Variants in SPATA31D1 observed in about 807,000 individuals in gnomAD.
SPATA31D1 encodes spermatogenesis-associated protein 31D1.
Under a neutral mutation model 13.2 loss-of-function variants are expected in SPATA31D1, and 6 were observed. The ratio of observed to expected loss-of-function variants is 0.46; its 90% CI spans 0.25 to 0.90. The LOEUF is 0.90. Among genes scored for constraint, SPATA31D1 ranks in the 40% least tolerant of loss-of-function variants. The pLI is 0.18. For missense variants in SPATA31D1, 2,445 were observed against 1,884.7 expected (o/e 1.30, Z -5.50); for synonymous variants, 903 against 718.8 (o/e 1.26, Z -4.10).
rs2133445697 is a variant in SPATA31D1, at chr9:81,995,179, GA to G, written c.4713del (p.Lys1571AsnfsTer19). On this transcript the variant is annotated frameshift_variant, in exon 4 of 4. Transcript: ENST00000344803. LOFTEE classifies it low-confidence loss of function (END_TRUNC). ...ATGCTTCCAAAGCATTTACAGGGAG[GA>G]AAATTTCCCCCCACAAAATAATTCA... ...QKMLPKHLQG[G>X]KFPPTK 6.5e-7 allele frequency: 1 copy of G among 1,533,520 alleles called. No individual in the cohort carries two copies. The highest frequency in any genetic ancestry group is 8.8e-7 in the Non-Finnish European group (1 of 1,137,856). The allele number at this position is 1,533,520 out of a possible 1,614,324, so 95.0% of individuals were successfully genotyped here.
In SPATA31D1 at chr9:81,993,283, C is replaced by T. The variant is rs145142439; in HGVS notation, c.2813C>T (p.Ser938Phe). The T allele has an allele frequency of 3.7e-6, 6 of 1,614,026 alleles. No homozygotes were observed. Among genetic ancestry groups the T allele is most frequent in the Non-Finnish European group, 5.1e-6 (6 of 1,179,898 alleles). ...AAATCGAAAGCGGACCTTTCCACTT[C>T]CTTTTCCCATTTCGACCTTCCCTCC... ...IFKSKADLST[S>F]FSHFDLPSSA... Residue 938 changes from serine (S) to phenylalanine (F), a missense_variant, in exon 4 of 4, where the codon TCC becomes TTC. Transcript: ENST00000344803.
rs754714319 is a variant in SPATA31D1, at chr9:81,993,526, A to T, written c.3056A>T (p.Asp1019Val). The change falls in exon 4 of 4, where the codon GAC (aspartate) becomes GTC (valine). Residue 1019 changes from aspartate to valine, a missense_variant. Asp to Val is a radical substitution (Grantham distance 152, BLOSUM62 -3). Transcript: ENST00000344803. The stretch of plus-strand genomic sequence containing the variant: ...GACCTTATAGAGACAGATTCCAAAG[A>T]CGGGGCCTCCACATCCCTTAGAAGA... ...DHDLIETDSKDGASTSLRRGT... is the reference protein window; with the variant it reads ...DHDLIETDSKVGASTSLRRGT... 6.2e-7 allele frequency: 1 copy of T among 1,613,668 alleles called. No homozygotes were observed. Among genetic ancestry groups the T allele is most frequent in the South Asian group, 1.1e-5 (1 of 91,058 alleles).
At position 81,992,613 on chromosome 9, in the gene SPATA31D1, C is replaced by T. The variant is rs1824998578; in HGVS notation, c.2143C>T (p.Pro715Ser). The change falls in exon 4 of 4, where the codon CCT becomes TCT. Residue 715 changes from proline to serine, a missense_variant. By Grantham distance (74) the Pro-to-Ser change is moderately conservative (BLOSUM62 -1). Transcript: ENST00000344803. ...RIHESLSLLR[P>S]QSKISELSVS... is the part of the protein sequence containing the mutation. The stretch of plus-strand genomic sequence containing the variant: ...CCATGAGTCTCTGTCATTGCTACGT[C>T]CTCAGAGCAAAATTTCAGAGCTATC... 2 of 1,613,084 alleles carry T rather than the reference C, an allele frequency of 1.2e-6. No homozygotes were observed. The highest frequency in any genetic ancestry group is 2.2e-5 in the East Asian group (1 of 44,890).
In SPATA31D1 at chr9:81,991,056, C is replaced by A. The variant is rs111857392; in HGVS notation, c.586C>A (p.Pro196Thr). The A allele has an allele frequency of 0.018, 29,144 of 1,613,702 alleles. 332 individuals carry two copies. The highest frequency in any genetic ancestry group is 0.022 in the Non-Finnish European group (25,419 of 1,179,712). ...CCCTCGGCCTAAGGCCTCTCCACCA[C>A]CCCCCTTAATTCTCTCACCTGACCT... ...LSPRPKASPP[P>T]PLILSPDLIT... Residue 196 changes from proline (P) to threonine (T), a missense_variant, in exon 4 of 4, where the codon CCC becomes ACC. By Grantham distance (38) the Pro-to-Thr change is conservative. Coordinates refer to ENST00000344803, the MANE Select transcript of SPATA31D1 (RefSeq NM_001001670.3).
rs752499155 is a variant in SPATA31D1, at chr9:81,994,359, G to T, written c.3889G>T (p.Val1297Leu). The T allele has an allele frequency of 6.8e-6, 11 of 1,613,936 alleles. No individual in the cohort carries two copies. The East Asian group carries it at 1.8e-4, about 26-fold the overall frequency. The change falls in exon 4 of 4, where the codon GTG becomes TTG. Residue 1297 changes from valine (V) to leucine (L), a missense_variant. Coordinates refer to ENST00000344803, the MANE Select transcript of SPATA31D1 (RefSeq NM_001001670.3). ...ACCAGCTGTAAACAGAGTGAGTCCT[G>T]TGAGACCCAAAGGAGGAGAGCTTGA... ...FPPAVNRVSP[V>L]RPKGGELDGG... is the part of the protein sequence containing the mutation.
chr9:81,994,855 G>T lies in SPATA31D1; in HGVS notation c.4385G>T (p.Arg1462Met). The T allele has an allele frequency of 1.2e-6, 2 of 1,613,938 alleles. No individual in the cohort carries two copies. Among genetic ancestry groups the T allele is most frequent in the Non-Finnish European group, 1.7e-6 (2 of 1,179,870 alleles). ...GTCCAGGGCTGTCCCTGCAACTACA[G>T]GGCTCCCTCCTGCAAAGTGACACGT... Reference protein sequence around the residue: ...EPVQGCPCNYRAPSCKVTRTK... With the variant: ...EPVQGCPCNYMAPSCKVTRTK... Residue 1462 changes from arginine to methionine, a missense_variant, in exon 4 of 4, where the codon AGG becomes ATG. By Grantham distance (91) the Arg-to-Met change is moderately conservative. Coordinates refer to ENST00000344803, the MANE Select transcript of SPATA31D1 (RefSeq NM_001001670.3).
rs1825038550 is a variant in SPATA31D1, at chr9:81,993,961, G to C, written c.3491G>C (p.Ser1164Thr). Reference protein sequence around the residue: ...QSQTRNNLTTSKSGSCSLTNV... With the variant: ...QSQTRNNLTTTKSGSCSLTNV... The stretch of plus-strand genomic sequence containing the variant: ...CAAACTAGGAACAACTTGACAACCA[G>C]CAAGTCAGGAAGCTGCTCACTGACA... Residue 1164 changes from serine to threonine, a missense_variant, in exon 4 of 4, where the codon AGC becomes ACC. Ser to Thr is a moderately conservative substitution (Grantham distance 58, BLOSUM62 1). Transcript: ENST00000344803. 1 of 1,613,678 alleles carries C rather than the reference G, an allele frequency of 6.2e-7. No homozygotes were observed. Among genetic ancestry groups the C allele is most frequent in the Non-Finnish European group, 8.5e-7 (1 of 1,179,774 alleles).
chr9:81,990,422 C>T lies in SPATA31D1; in HGVS notation c.238C>T (p.Pro80Ser), dbSNP rs1824927428. The T allele has an allele frequency of 6.2e-7, 1 of 1,605,216 alleles. No individual in the cohort carries two copies. Among genetic ancestry groups the T allele is most frequent in the Non-Finnish European group, 8.5e-7 (1 of 1,175,522 alleles). The change falls in exon 3 of 4, where the codon CCA (proline) becomes TCA (serine). Residue 80 changes from proline (P) to serine (S), a missense_variant. Pro to Ser is a moderately conservative substitution (Grantham distance 74). Coordinates refer to ENST00000344803, the MANE Select transcript of SPATA31D1 (RefSeq NM_001001670.3). Reference sequence around the variant, plus strand: ...GCATATAACATACTATTCAGGTTTCCCAGACTGGAAAAGTTTCCAGAGAGA... The same window carrying T: ...GCATATAACATACTATTCAGGTTTCTCAGACTGGAAAAGTTTCCAGAGAGA... ...RRKGGTFKGF[P>S]DWKSFQREEE...
Position 81,989,836 on chromosome 9 carries a change from T to C in SPATA31D1, c.232+13T>C. ...GGGACATTCAAAGGTAATGTCAGCC[T>C]GCTCTATCTGAGCTTCAGGGGTGAC... On this transcript the variant is annotated intron_variant, in intron 2 of 3. Coordinates refer to ENST00000344803, the MANE Select transcript of SPATA31D1 (RefSeq NM_001001670.3). The C allele has an allele frequency of 1.2e-6, 2 of 1,613,242 alleles. No individual in the cohort carries two copies. The highest frequency in any genetic ancestry group is 1.7e-6 in the Non-Finnish European group (2 of 1,179,414).
rs747890836 is a variant in SPATA31D1, at chr9:81,988,852, A to G, written c.34A>G (p.Thr12Ala). The change falls in exon 1 of 4, where the codon ACT becomes GCT. Residue 12 changes from threonine to alanine, a missense_variant. Thr to Ala is a moderately conservative substitution (Grantham distance 58). Transcript: ENST00000344803. ...ENILCFLNSY[T>A]ETGLSPDSHW... ...TATCCTCTGTTTTCTGAACAGCTAT[A>G]CTGAGACAGGGCTGAGCCCTGACTC... 3.5e-5 allele frequency: 57 copies of G among 1,612,766 alleles called. No homozygotes were observed. Among genetic ancestry groups the G allele is most frequent in the Non-Finnish European group, 4.7e-5 (56 of 1,179,718 alleles).
At position 81,995,194 on chromosome 9, in the gene SPATA31D1, C is replaced by A. The variant is rs1244970946; in HGVS notation, c.4724C>A (p.Thr1575Lys). 1 of 1,516,894 alleles carries A rather than the reference C, an allele frequency of 6.6e-7. No homozygotes were observed. The highest frequency in any genetic ancestry group is 1.4e-5 in the African/African-American group (1 of 72,074). The allele number at this position is 1,516,894 out of a possible 1,614,324, so 94.0% of individuals were successfully genotyped here. A position where few individuals can be genotyped will look rare whatever the true frequency, so the allele number is the denominator to read the frequency against. The part of the protein sequence containing the change: ...KHLQGGKFPP[T>K]K ...TTACAGGGAGGAAAATTTCCCCCCA[C>A]AAAATAATTCACTCCTTGTTGAGAA... The change falls in exon 4 of 4, where the codon ACA (threonine) becomes AAA (lysine). Residue 1575 changes from threonine (T) to lysine (K), a missense_variant. By Grantham distance (78) the Thr-to-Lys change is moderately conservative. Coordinates refer to ENST00000344803, the MANE Select transcript of SPATA31D1 (RefSeq NM_001001670.3).
Position 81,991,834 on chromosome 9 carries a change from T to G in SPATA31D1, c.1364T>G (p.Leu455Ter). 4.3e-6 allele frequency: 7 copies of G among 1,613,834 alleles called. No homozygotes were observed. The highest frequency in any genetic ancestry group is 5.9e-6 in the Non-Finnish European group (7 of 1,179,736). The change falls in exon 4 of 4, where the codon TTA becomes TGA. Residue 455 changes from leucine to a stop codon, truncating the protein, a stop_gained. Coordinates refer to ENST00000344803, the MANE Select transcript of SPATA31D1 (RefSeq NM_001001670.3). LOFTEE classifies it low-confidence loss of function (END_TRUNC). ...NYQLNSSRNM[L>*]TSIAVKHDLA... ...CAACTAAATTCCTCACGGAATATGT[T>G]AACCTCAATTGCTGTTAAGCATGAC...
At position 81,993,624 on chromosome 9, in the gene SPATA31D1, G is replaced by T. The variant is rs374171958; in HGVS notation, c.3154G>T (p.Val1052Phe). 6.2e-7 allele frequency: 1 copy of T among 1,613,960 alleles called. No individual in the cohort carries two copies. The highest frequency in any genetic ancestry group is 2.2e-5 in the East Asian group (1 of 44,862). ...SFPILGHSYL[V>F]TSPVNQEKQG... ...CCCCATCCTCGGTCATTCTTACCTT[G>T]TCACTTCACCTGTCAACCAAGAAAA... The change falls in exon 4 of 4, where the codon GTC becomes TTC. Residue 1052 changes from valine (V) to phenylalanine (F), a missense_variant. By Grantham distance (50) the Val-to-Phe change is conservative (BLOSUM62 -1). Coordinates refer to ENST00000344803, the MANE Select transcript of SPATA31D1 (RefSeq NM_001001670.3).
Position 81,991,206 on chromosome 9 carries a change from C to T in SPATA31D1, c.736C>T (p.Pro246Ser), listed in dbSNP as rs753572962. ...DHSPPQQLPF[P>S]LLPPHHIERV... ...TTCCCCACCCCAACAGCTTCCCTTT[C>T]CCCTTCTCCCACCACATCACATTGA... The change falls in exon 4 of 4, where the codon CCC (proline) becomes TCC (serine). Residue 246 changes from proline (P) to serine (S), a missense_variant. By Grantham distance (74) the Pro-to-Ser change is moderately conservative. Coordinates refer to ENST00000344803, the MANE Select transcript of SPATA31D1 (RefSeq NM_001001670.3). 6.2e-6 allele frequency: 10 copies of T among 1,614,000 alleles called. No individual in the cohort carries two copies. In the Admixed American group the frequency reaches 1.0e-4, roughly 16 times the overall value.
chr9:81,992,514 G>A lies in SPATA31D1; in HGVS notation c.2044G>A (p.Glu682Lys). 1 of 1,611,976 alleles carries A rather than the reference G, an allele frequency of 6.2e-7. No homozygotes were observed. Among genetic ancestry groups the A allele is most frequent in the African/African-American group, 1.3e-5 (1 of 74,992 alleles). Residue 682 changes from glutamate to lysine, a missense_variant, in exon 4 of 4, where the codon GAG becomes AAG. By Grantham distance (56) the Glu-to-Lys change is moderately conservative (BLOSUM62 1). Transcript: ENST00000344803. ...IIPGDFPLSS[E>K]VRKKLEQHIR... ...TCCTGGAGATTTTCCACTCAGCTCTGAGGTAAGGAAGAAACTAGAGCAACA... is the reference window on the plus strand; with the variant it reads ...TCCTGGAGATTTTCCACTCAGCTCTAAGGTAAGGAAGAAACTAGAGCAACA...
At chr9:81,989,585 G>C (rs1233759833) in intron 1 of SPATA31D1, among the ~76,000 whole-genome samples, 193 bp from the exon 2 acceptor site, 4 of 152,126 alleles carry the variant, frequency 2.6e-5, no homozygotes, top group South Asian at 2.1e-4. Context: ...AATCTTCTTT[G>C]AGGATTTTTC....
Position 81,994,260 on chromosome 9 carries a change from A to C in SPATA31D1, c.3790A>C (p.Ile1264Leu). The C allele has an allele frequency of 1.9e-6, 3 of 1,614,022 alleles. No homozygotes were observed. The highest frequency in any genetic ancestry group is 2.5e-6 in the Non-Finnish European group (3 of 1,179,890). The change falls in exon 4 of 4, where the codon ATC becomes CTC. Residue 1264 changes from isoleucine (I) to leucine (L), a missense_variant. Transcript: ENST00000344803. ...GCATGTCCACTTGGAGGACAGCGGA[A>C]TCCGTGTGGCACAGAAGCAGGAGCC... ...VVHVHLEDSG[I>L]RVAQKQEPRV...
chr9:81,991,388 G>A lies in SPATA31D1; in HGVS notation c.918G>A (p.Pro306=), dbSNP rs191924906. The A allele has an allele frequency of 6.2e-5, 100 of 1,613,932 alleles. No individual in the cohort carries two copies. In the African/African-American group the frequency reaches 1.1e-3, roughly 18 times the overall value. The stretch of plus-strand genomic sequence containing the variant: ...CACCAATCCCATCTGCTTTACCACC[G>A]GAAGATTGCACTGTGACTCAGTCTA... ...HGPPIPSALP[P]EDCTVTQSKS... The change falls in exon 4 of 4, where the codon CCG becomes CCA. Residue 306 remains proline, a synonymous_variant. Coordinates refer to ENST00000344803, the MANE Select transcript of SPATA31D1 (RefSeq NM_001001670.3).
At position 81,994,879 on chromosome 9, in the gene SPATA31D1, G is replaced by C; in HGVS notation, c.4409G>C (p.Arg1470Pro). ...NYRAPSCKVT[R>P]TKSCSQQAIF... Reference sequence around the variant, plus strand: ...AGGGCTCCCTCCTGCAAAGTGACACGTACCAAATCTTGCAGCCAACAAGCT... The same window carrying C: ...AGGGCTCCCTCCTGCAAAGTGACACCTACCAAATCTTGCAGCCAACAAGCT... The change falls in exon 4 of 4, where the codon CGT (arginine) becomes CCT (proline). Residue 1470 changes from arginine (R) to proline (P), a missense_variant. Arg to Pro is a moderately radical substitution (Grantham distance 103, BLOSUM62 -2). Transcript: ENST00000344803. The C allele has an allele frequency of 6.2e-7, 1 of 1,613,922 alleles. No homozygotes were observed. The highest frequency in any genetic ancestry group is 1.1e-5 in the South Asian group (1 of 91,080).
Sources: allele counts gnomAD v4.1 joint callset (sites outside exome capture counted in the v4.1 genomes callset), GRCh38; gene constraint gnomAD v4.1.1; transcripts MANE v1.5; gene names NCBI Gene and HGNC (gene_info 2026-07-23, HGNC 2026-07-21).